The following CERKL variants were observed in gnomAD, a reference collection of about 807,000 sequenced individuals.
CERKL encodes the protein ceramide kinase-like protein.
In CERKL, 61 loss-of-function variants were observed where a neutral mutation model predicts 63.4. That is an observed-to-expected ratio of 0.96 (90% CI 0.78 to 1.19). CERKL has a LOEUF of 1.19. Among genes scored for constraint, CERKL ranks in the 50% most tolerant of loss-of-function variants. The pLI, the probability that CERKL is intolerant of heterozygous loss-of-function variation, is 0.00. For synonymous variants in CERKL, 250 were observed against 230.5 expected (o/e 1.08, Z -0.77); for missense variants, 675 against 655.5 (o/e 1.03, Z -0.33).
chr2:181,603,811 T>C, intron 2 of CERKL, 26 bp downstream of exon 2: 1 of 1,611,674 alleles, frequency 6.2e-7, no homozygotes, highest in South Asian at 1.1e-5. Context: ...CTGGGCTGAT[T>C]AAAATTTCCC....
Position 181,565,419 on chromosome 2 carries a change from T to TTTATATCAC in CERKL, c.677+630_677+638dup, listed in dbSNP as rs778247112. ...CTAATTTTAAAAAATGGCAATGAAA[T>TTTATATCAC]TTATATCACTTGCCTTGGTTCTAAC... On this transcript the variant is annotated intron_variant, in intron 4 of 12. Coordinates refer to ENST00000410087, the MANE Select transcript of CERKL (RefSeq NM_201548.5). 2.5e-6 allele frequency: 4 copies of TTTATATCAC among 1,599,760 alleles called. No homozygotes were observed. In the East Asian group the frequency reaches 8.9e-5, roughly 36 times the overall value.
intron 1 of CERKL, among the ~76,000 whole-genome samples, chr2:181,609,637 C>T (rs1042935221): frequency 4.6e-5 from 7 of 151,386 alleles, no homozygotes; most frequent in African/African-American, 1.7e-4. Context: ...ACCCAGGAGG[C>T]GGAGGTTGCA....
chr2:181,539,375 T>A lies in CERKL; in HGVS notation c.1366-111A>T, dbSNP rs559329185. The A allele has an allele frequency of 1.3e-5, 9 of 704,050 alleles. No individual in the cohort carries two copies. In the East Asian group the frequency reaches 1.6e-4, roughly 12 times the overall value. The allele number at this position is 704,050 out of a possible 1,614,324, so 43.6% of individuals were successfully genotyped here. Reference sequence around the variant, plus strand: ...GTAAATATCAGCATGTATGCTGACATTTTAATAGCTTTGAGACTATGAACA... The same window carrying A: ...GTAAATATCAGCATGTATGCTGACAATTTAATAGCTTTGAGACTATGAACA... On this transcript the variant is annotated intron_variant, in intron 11 of 12. Coordinates refer to ENST00000410087, the MANE Select transcript of CERKL (RefSeq NM_201548.5).
intron 4 of CERKL, among the ~76,000 whole-genome samples, chr2:181,561,129 T>C (rs544975051): frequency 6.6e-6 from 1 of 152,194 alleles, no homozygotes; most frequent in South Asian, 2.1e-4. Context: ...GGCATTAAGA[T>C]GTAAATCATT....
intron 1 of CERKL, among the ~76,000 whole-genome samples, chr2:181,652,471 C>T (rs1027542697): frequency 6.6e-6 from 1 of 152,126 alleles, no homozygotes; most frequent in Non-Finnish European, 1.5e-5. Flanking sequence ...ACCCCTCCCT[C>T]TCACCATATA....
chr2:181,566,031 C>T (rs1163954905), intron 4 of CERKL, 27 bp downstream of exon 4: 37 of 1,423,090 alleles, frequency 2.6e-5, no homozygotes, highest in Non-Finnish European at 3.6e-5. Flanking sequence ...AATGATATAA[C>T]ATATATTGAT....
chr2:181,604,492 G>T (rs891380936), intron 1 of CERKL, among the ~76,000 whole-genome samples: 1 of 152,142 alleles, frequency 6.6e-6, no homozygotes, highest in African/African-American at 2.4e-5. Context: ...TCAAGAATTA[G>T]ATTAAAAATA....
chr2:181,536,987 T>C lies in CERKL; in HGVS notation c.*1197A>G, dbSNP rs1559062589. 5 of 451,552 alleles carry C rather than the reference T, an allele frequency of 1.1e-5. No homozygotes were observed. Among genetic ancestry groups the C allele is most frequent in the Non-Finnish European group, 2.2e-5 (5 of 225,820 alleles). The allele number at this position is 451,552 out of a possible 1,614,324, so 28.0% of individuals were successfully genotyped here. ...GCCATCCTAATTGATGAAAGTTATC[T>C]GTTCACAGGCCTGCAGTGATGGTGA... On this transcript the variant is annotated 3_prime_UTR_variant, in exon 13 of 13. Transcript: ENST00000410087.
intron 2 of CERKL, among the ~76,000 whole-genome samples, chr2:181,584,086 G>C (rs1684654907): frequency 6.6e-6 from 1 of 152,184 alleles, no homozygotes; most frequent in Admixed American, 6.5e-5. Flanking sequence ...AGCAGATACA[G>C]AAAAATGTTA....
At chr2:181,619,066 A>G (rs1271870316) in intron 1 of CERKL, among the ~76,000 whole-genome samples, 2 of 151,610 alleles carry the variant, frequency 1.3e-5, no homozygotes, top group Admixed American at 6.6e-5. Context: ...TTCATATTCT[A>G]TACCCCAAGT....
At chr2:181,563,118 T>C (rs1029891768) in intron 4 of CERKL, among the ~76,000 whole-genome samples, 39 of 152,262 alleles carry the variant, frequency 2.6e-4, no homozygotes, top group Middle Eastern at 3.4e-3. Flanking sequence ...ATGCAGCTGA[T>C]ATTCTTTTAT....
At chr2:181,610,308 C>A (rs753436775) in intron 1 of CERKL, among the ~76,000 whole-genome samples, 1 of 151,954 alleles carries the variant, frequency 6.6e-6, no homozygotes, top group Non-Finnish European at 1.5e-5. Flanking sequence ...CCACTTTTTG[C>A]CTTTTAGATT....
chr2:181,537,594 T>A lies in CERKL; in HGVS notation c.*590A>T, dbSNP rs1379117696. On this transcript the variant is annotated 3_prime_UTR_variant, in exon 13 of 13. Transcript: ENST00000410087. ...ACTTATGAAATCTGTATTATATTTG[T>A]AACAGAATATAGGAAATTTAACATA... 9.3e-6 allele frequency: 4 copies of A among 428,720 alleles called. No individual in the cohort carries two copies. The highest frequency in any genetic ancestry group is 1.8e-5 in the Non-Finnish European group (4 of 217,612). The allele number at this position is 428,720 out of a possible 1,614,324, so 26.6% of individuals were successfully genotyped here.
chr2:181,538,947 C>T (rs904354968), intron 12 of CERKL, 145 bp downstream of exon 12: 7 of 657,992 alleles, frequency 1.1e-5, no homozygotes, highest in Admixed American at 1.0e-4. Context: ...GAAATTTGTG[C>T]ATGTCTCTTT....
intron 3 of CERKL, among the ~76,000 whole-genome samples, chr2:181,569,741 G>A (rs55743845): frequency 0.12 from 18,073 of 152,188 alleles, 1,232 homozygotes; most frequent in East Asian, 0.22. Flanking sequence ...AGTACCTATC[G>A]TGAACAAGAG....
chr2:181,588,129 T>G (rs539840403), intron 2 of CERKL, among the ~76,000 whole-genome samples: 1 of 152,268 alleles, frequency 6.6e-6, no homozygotes, highest in South Asian at 2.1e-4. Flanking sequence ...ACAGAAAATC[T>G]ACTCTTAACA....
At chr2:181,647,616 GAA>G (rs1687727333) in intron 1 of CERKL, among the ~76,000 whole-genome samples, 1 of 152,040 alleles carries the variant, frequency 6.6e-6, no homozygotes, top group African/African-American at 2.4e-5. Flanking sequence ...CCATCTACAG[GAA>G]AAGTCTCTCC....
chr2:181,540,642 A>G (rs1469132923), intron 11 of CERKL, among the ~76,000 whole-genome samples: 1 of 152,210 alleles, frequency 6.6e-6, no homozygotes, highest in Admixed American at 6.6e-5. Context: ...ATCTTAAATC[A>G]GCAGTTGTCA....
chr2:181,577,344 G>T (rs574646458), intron 2 of CERKL, among the ~76,000 whole-genome samples: 1 of 152,196 alleles, frequency 6.6e-6, no homozygotes, highest in African/African-American at 2.4e-5. Flanking sequence ...CTAATGGATT[G>T]AGCTTCAACA....
Sources: gnomAD v4.1 joint callset for allele counts (sites outside exome capture counted in the v4.1 genomes callset) on GRCh38, gnomAD v4.1.1 for gene constraint, MANE v1.5 for transcripts, NCBI Gene and HGNC (gene_info 2026-07-23, HGNC 2026-07-21) for gene names.